SLC20A2: variants seen among roughly 807,000 people sequenced by gnomAD.
The protein encoded by SLC20A2 is solute carrier family 20 member 2.
Under a neutral mutation model 61.0 loss-of-function variants are expected in SLC20A2, and 30 were observed. That is an observed-to-expected ratio of 0.49 (90% CI 0.37 to 0.67). SLC20A2 has a LOEUF of 0.67. Ranked by LOEUF, SLC20A2 falls within the 30% of genes least tolerant of loss-of-function variation. The probability of loss-of-function intolerance (pLI) is 0.00; values close to 1 mark genes in which losing one functional copy is unlikely to be tolerated. For missense variants in SLC20A2, 626 were observed against 866.4 expected (o/e 0.72, Z 3.48); for synonymous variants, 351 against 353.3 (o/e 0.99, Z 0.07).
intron 1 of SLC20A2, among the ~76,000 whole-genome samples, chr8:42,540,147 C>A (rs1042982990): frequency 1.3e-5 from 2 of 152,130 alleles, no homozygotes; most frequent in African/African-American, 4.8e-5. Flanking sequence ...CAAAACTTAG[C>A]TGGGCGTGGT....
Position 42,438,077 on chromosome 8 carries a change from A to AC in SLC20A2, c.935-501_935-500insG, listed in dbSNP as rs1301699948. ...AAAAAAAAAACCAAAAAAAAAAAAA[A>AC]AAAAAAAAAAAACATGGAAACATAC... On this transcript the variant is annotated intron_variant, in intron 7 of 10. Transcript: ENST00000520262. Among the ~76,000 whole-genome samples, 39 of 143,640 alleles carry AC rather than the reference A, an allele frequency of 2.7e-4. 1 individual carries two copies. Among genetic ancestry groups the AC allele is most frequent in the African/African-American group, 7.8e-4 (30 of 38,332 alleles). 94.2% of individuals were successfully genotyped at this position (143,640 alleles called of 152,430 possible). A position where few individuals can be genotyped will look rare whatever the true frequency, so the allele number is the denominator to read the frequency against.
chr8:42,509,593 A>G (rs540072501), intron 1 of SLC20A2, among the ~76,000 whole-genome samples: 1 of 152,196 alleles, frequency 6.6e-6, no homozygotes, highest in South Asian at 2.1e-4. Flanking sequence ...ATTAAAAATT[A>G]AAAATAAAAA....
intron 5 of SLC20A2, among the ~76,000 whole-genome samples, chr8:42,448,514 T>A (rs1354170806): frequency 1.3e-5 from 2 of 151,986 alleles, no homozygotes; most frequent in Non-Finnish European, 2.9e-5. Context: ...GAACCTGAGG[T>A]CGGGGGCAAG....
At chr8:42,493,210 A>C (rs559666319) in intron 1 of SLC20A2, among the ~76,000 whole-genome samples, 1 of 152,338 alleles carries the variant, frequency 6.6e-6, no homozygotes, top group South Asian at 2.1e-4. Flanking sequence ...CACTTTGTTC[A>C]AGATTTTCTT....
chr8:42,454,253 C>T (rs866651238), intron 5 of SLC20A2, among the ~76,000 whole-genome samples: 2 of 152,200 alleles, frequency 1.3e-5, no homozygotes, highest in Non-Finnish European at 2.9e-5. Context: ...CCGCCCGTCT[C>T]GGCCTCCCGA....
chr8:42,445,192 T>G (rs909533518), intron 5 of SLC20A2, among the ~76,000 whole-genome samples: 4 of 152,030 alleles, frequency 2.6e-5, no homozygotes, highest in African/African-American at 9.7e-5. Context: ...CTCGGGAGGC[T>G]GAGGCGGGAG....
At chr8:42,497,909 A>G (rs1810048265) in intron 1 of SLC20A2, among the ~76,000 whole-genome samples, 1 of 152,060 alleles carries the variant, frequency 6.6e-6, no homozygotes, top group Non-Finnish European at 1.5e-5. Context: ...CTTCTGATTC[A>G]TGTGCTTCTA....
intron 1 of SLC20A2, among the ~76,000 whole-genome samples, chr8:42,496,864 C>G (rs1171329869): frequency 6.6e-6 from 1 of 152,182 alleles, no homozygotes; most frequent in African/African-American, 2.4e-5. Flanking sequence ...TGGCCACAGT[C>G]TGTGATGTAA....
At chr8:42,473,968 C>T (rs1807856778) in intron 1 of SLC20A2, among the ~76,000 whole-genome samples, 1 of 151,998 alleles carries the variant, frequency 6.6e-6, no homozygotes, top group African/African-American at 2.4e-5. Flanking sequence ...GTCAGGAGTT[C>T]GAGACTAGCC....
intron 1 of SLC20A2, among the ~76,000 whole-genome samples, chr8:42,531,034 A>C (rs573199414): frequency 6.8e-4 from 104 of 152,146 alleles, no homozygotes; most frequent in Non-Finnish European, 1.3e-3. Context: ...TCTCCCTATT[A>C]ATCAGTTCTC....
chr8:42,487,742 CACATCGCATAAAAT>C (rs1341535200), intron 1 of SLC20A2, among the ~76,000 whole-genome samples: 3 of 152,168 alleles, frequency 2.0e-5, no homozygotes, highest in Non-Finnish European at 4.4e-5. Flanking sequence ...TGGTAAAATA[CACATCGCATAAAAT>C]TTACCATCTT....
intron 1 of SLC20A2, among the ~76,000 whole-genome samples, chr8:42,508,362 T>C (rs1810839475): frequency 6.6e-6 from 1 of 151,982 alleles, no homozygotes; most frequent in South Asian, 2.1e-4. Context: ...TTTTGTTTGT[T>C]TGTTTGTTTT....
chr8:42,541,826 C>A (rs578187468), exon 1 of SLC20A2: 1 of 151,596 alleles, frequency 6.6e-6, no homozygotes, highest in African/African-American at 2.4e-5. Context: ...CCCGCCTGCC[C>A]TCGGTCCCGT....
intron 5 of SLC20A2, among the ~76,000 whole-genome samples, chr8:42,447,447 G>A (rs1805302677): frequency 6.6e-6 from 1 of 152,172 alleles, no homozygotes; most frequent in Non-Finnish European, 1.5e-5. Context: ...GGAGGCCAAG[G>A]CGGGCAGATC....
intron 1 of SLC20A2, among the ~76,000 whole-genome samples, chr8:42,477,460 G>C (rs928921942): frequency 7.3e-6 from 1 of 136,098 alleles, no homozygotes; most frequent in Non-Finnish European, 1.5e-5. Context: ...GTGAGGGACA[G>C]GGACTTTTTT....
chr8:42,463,357 C>G, intron 3 of SLC20A2: 1 of 270,590 alleles, frequency 3.7e-6, no homozygotes, highest in Non-Finnish European at 6.9e-6. Context: ...GCCCCAAGCT[C>G]GGGCCTCAGA....
intron 1 of SLC20A2, among the ~76,000 whole-genome samples, chr8:42,488,935 G>GTTTTTTTTTTTTT (rs34643152): frequency 2.4e-5 from 2 of 83,524 alleles, no homozygotes; most frequent in East Asian, 4.0e-4. Flanking sequence ...TAGGAGTTTT[G>GTTTTTTTTTTTTT]TTTTTTTTTT....
At chr8:42,433,065 A>AT (rs201553386) in intron 8 of SLC20A2, among the ~76,000 whole-genome samples, 110 of 151,754 alleles carry the variant, frequency 7.2e-4, no homozygotes, top group African/African-American at 2.5e-3. Flanking sequence ...GGTCCAAATG[A>AT]TTTTTTTTTA....
rs781554326 is a variant in SLC20A2 at position 42,439,527 on chromosome 8, G to A, written c.857C>T (p.Pro286Leu). ...GAKANDDSTI[P>L]LTGAAGETLG... ...TGTCTCCCCTGCTGCTCCCGTGAGC[G>A]GGATGGTGCTGTCATCATTAGCCTT... Residue 286 changes from proline to leucine, a missense_variant, in exon 7 of 11, where the codon CCG (proline) becomes CTG (leucine). Pro to Leu is a moderately conservative substitution (Grantham distance 98, BLOSUM62 -3). Around this residue, in one of 3 missense-constraint regions of SLC20A2, gnomAD observed 361 missense variants for 422.3 expected, o/e 0.85. Transcript: ENST00000520262. 1.5e-5 allele frequency: 24 copies of A among 1,614,094 alleles called. No individual in the cohort carries two copies. In the African/African-American group the frequency reaches 2.1e-4, roughly 14 times the overall value.
Sources: gnomAD v4.1 joint callset for allele counts (sites outside exome capture counted in the v4.1 genomes callset) on GRCh38, gnomAD v4.1.1 for gene constraint, gnomAD v4.1.1 regional missense constraint, MANE v1.5 for transcripts, NCBI Gene and HGNC (gene_info 2026-07-23, HGNC 2026-07-21) for gene names.